The following PRKG1 variants were observed in gnomAD, a reference collection of about 807,000 sequenced individuals.
PRKG1 encodes cGMP-dependent protein kinase 1.
PRKG1 carries 35 observed loss-of-function variants against 88.1 expected under a neutral mutation model. The ratio of observed to expected loss-of-function variants is 0.40; its 90% CI spans 0.30 to 0.53. PRKG1 has a LOEUF of 0.53. PRKG1 is among the 20% of genes least tolerant of loss of function. The pLI, the probability that PRKG1 is intolerant of heterozygous loss-of-function variation, is 0.59. For missense variants in PRKG1, 540 were observed against 839.8 expected (o/e 0.64, Z 4.41); for synonymous variants, 303 against 292.5 (o/e 1.04, Z -0.37).
At chr10:51,573,884 G>A (rs1280539346) in intron 3 of PRKG1, among the ~76,000 whole-genome samples, 1 of 151,838 alleles carries the variant, frequency 6.6e-6, no homozygotes, top group Non-Finnish European at 1.5e-5. Context: ...TTTTCGATTA[G>A]CATTAGACTG....
At chr10:52,206,203 T>G (rs1353037122) in intron 9 of PRKG1, among the ~76,000 whole-genome samples, 1 of 152,234 alleles carries the variant, frequency 6.6e-6, no homozygotes, top group Non-Finnish European at 1.5e-5. Flanking sequence ...TATTCTGCTG[T>G]TAATATTTGT....
chr10:51,126,068 C>CTATATATAATTATATAATTATATATAGTA (rs1491283710), intron 1 of PRKG1, among the ~76,000 whole-genome samples: 38 of 115,260 alleles, frequency 3.3e-4, no homozygotes, highest in African/African-American at 1.4e-3. Context: ...ATATAATATA[C>CTATATATAATTATATAATTATATATAGTA]TACATATAAT....
At chr10:51,061,060 GGT>G (rs71029344) in intron 1 of PRKG1, among the ~76,000 whole-genome samples, 2 of 147,156 alleles carry the variant, frequency 1.4e-5, no homozygotes, top group Non-Finnish European at 3.0e-5. Flanking sequence ...TATACCTAGG[GGT>G]GTGTGTGTGT....
intron 5 of PRKG1, among the ~76,000 whole-genome samples, chr10:51,913,496 T>C (rs1842270489): frequency 6.6e-6 from 1 of 152,214 alleles, no homozygotes; most frequent in Non-Finnish European, 1.5e-5. Flanking sequence ...CTTTCCTTTA[T>C]ATAACATACT....
In PRKG1 at chr10:52,266,841, T is replaced by C. The variant is rs138556606; in HGVS notation, c.1174-4509T>C. ...GTCAAATGTCACACTAGTCACACTC[T>C]CAACCAGTGCATTAGCCTGTACACC... On this transcript the variant is annotated intron_variant, in intron 10 of 17. Transcript: ENST00000373980. 2.1e-3 allele frequency among the ~76,000 whole-genome samples: 313 copies of C among 152,044 alleles called. 3 individuals carry two copies. Among genetic ancestry groups the C allele is most frequent in the Non-Finnish European group, 3.7e-3 (249 of 67,962 alleles).
At chr10:51,941,463 T>A (rs1229777133) in intron 5 of PRKG1, among the ~76,000 whole-genome samples, 1 of 151,904 alleles carries the variant, frequency 6.6e-6, no homozygotes, top group Non-Finnish European at 1.5e-5. Context: ...TATTTTATTA[T>A]TATTATACTT....
chr10:52,049,938 A>G lies in PRKG1; in HGVS notation c.763-4546A>G, dbSNP rs528238360. Among the ~76,000 whole-genome samples, 36 of 152,278 alleles carry G rather than the reference A, an allele frequency of 2.4e-4. 1 individual carries two copies. The South Asian group carries it at 7.5e-3, about 32-fold the overall frequency. ...TGGTGAAAAATAATCATGCAAGTCA[A>G]TAAACAAGTAGAAGCCTAGAAAAGG... On this transcript the variant is annotated intron_variant, in intron 5 of 17. Transcript: ENST00000373980.
chr10:51,830,964 T>C (rs1009447639), intron 4 of PRKG1, among the ~76,000 whole-genome samples: 2 of 152,152 alleles, frequency 1.3e-5, no homozygotes, highest in African/African-American at 4.8e-5. Flanking sequence ...CTTTCTTTTT[T>C]TTTTGCCTTT....
At chr10:51,734,002 C>G (rs1837191930) in intron 3 of PRKG1, among the ~76,000 whole-genome samples, 1 of 152,158 alleles carries the variant, frequency 6.6e-6, no homozygotes, top group East Asian at 1.9e-4. Context: ...TCTTGGCATT[C>G]TAATAAACAA....
chr10:51,375,814 G>T (rs1402993810), intron 2 of PRKG1, among the ~76,000 whole-genome samples: 2 of 152,128 alleles, frequency 1.3e-5, no homozygotes, highest in Non-Finnish European at 1.5e-5. Flanking sequence ...TGGCCTGAAG[G>T]ACGTGAAGGA....
chr10:51,701,802 T>A (rs7078445), intron 3 of PRKG1, among the ~76,000 whole-genome samples: 1 of 152,082 alleles, frequency 6.6e-6, no homozygotes, highest in Non-Finnish European at 1.5e-5. Context: ...AGATTGCACA[T>A]CTTGACAGAG....
rs117190323 is a variant in PRKG1 at position 51,445,528 on chromosome 10, A to G, written c.479-22195A>G. Among the ~76,000 whole-genome samples the G allele has an allele frequency of 2.5e-3, 375 of 149,046 alleles. 9 individuals carry two copies. In the East Asian group the frequency reaches 0.036, roughly 14 times the overall value. The stretch of plus-strand genomic sequence containing the variant: ...ATGCCACATATCAGCTTTAGGTTAA[A>G]TATAACAACAACAACAACAACGAAC... On this transcript the variant is annotated intron_variant, in intron 2 of 17. Transcript: ENST00000373980.
intron 3 of PRKG1, among the ~76,000 whole-genome samples, chr10:51,578,049 C>G (rs1837933156): frequency 6.6e-6 from 1 of 152,004 alleles, no homozygotes; most frequent in Admixed American, 6.6e-5. Flanking sequence ...TAATAACAGT[C>G]CAGAGGCTTG....
At chr10:51,248,026 G>C (rs1036202934) in intron 2 of PRKG1, among the ~76,000 whole-genome samples, 2 of 151,898 alleles carry the variant, frequency 1.3e-5, no homozygotes, top group African/African-American at 4.8e-5. Flanking sequence ...TAACGGCAAA[G>C]TGGTAGGGGA....
At chr10:51,620,941 C>T (rs1770936929) in intron 3 of PRKG1, among the ~76,000 whole-genome samples, 1 of 149,090 alleles carries the variant, frequency 6.7e-6, no homozygotes, top group South Asian at 2.1e-4. Flanking sequence ...ATTTCAAAGA[C>T]TTATGCATTC....
At chr10:51,599,685 C>G (rs1838547237) in intron 3 of PRKG1, among the ~76,000 whole-genome samples, 1 of 152,076 alleles carries the variant, frequency 6.6e-6, no homozygotes, top group Admixed American at 6.6e-5. Context: ...ACTTGGGGCT[C>G]CAAAGATATA....
At chr10:52,268,302 C>T (rs1275397178) in intron 10 of PRKG1, among the ~76,000 whole-genome samples, 2 of 152,074 alleles carry the variant, frequency 1.3e-5, no homozygotes, top group African/African-American at 4.8e-5. Flanking sequence ...AACTAGTAAG[C>T]CTGACTCCCA....
chr10:51,244,054 T>C lies in PRKG1; in HGVS notation c.478+90724T>C, dbSNP rs528841665. Reference sequence around the variant, plus strand: ...TTTGTTTCTTTTGCAAGCAATAGAATCTTTCTTGGCCCAATGTTCAAATAA... The same window carrying C: ...TTTGTTTCTTTTGCAAGCAATAGAACCTTTCTTGGCCCAATGTTCAAATAA... On this transcript the variant is annotated intron_variant, in intron 2 of 17. Transcript: ENST00000373980. Among the ~76,000 whole-genome samples, 18 of 152,306 alleles carry C rather than the reference T, an allele frequency of 1.2e-4. No homozygotes were observed. The South Asian group carries it at 3.3e-3, about 28-fold the overall frequency.
intron 5 of PRKG1, among the ~76,000 whole-genome samples, chr10:51,971,224 T>G (rs1843707828): frequency 6.6e-6 from 1 of 152,006 alleles, no homozygotes; most frequent in Non-Finnish European, 1.5e-5. Context: ...ATACTCTATT[T>G]CTTAACGTGG....
Sources: gnomAD v4.1 joint callset for allele counts (sites outside exome capture counted in the v4.1 genomes callset) on GRCh38, gnomAD v4.1.1 for gene constraint, MANE v1.5 for transcripts, NCBI Gene and HGNC (gene_info 2026-07-23, HGNC 2026-07-21) for gene names.